SLIT3: variants seen among roughly 807,000 people sequenced by gnomAD.
SLIT3 encodes slit homolog 3 protein.
Under a neutral mutation model 184.0 loss-of-function variants are expected in SLIT3, and 68 were observed. The ratio of observed to expected loss-of-function variants is 0.37; its 90% CI spans 0.30 to 0.45. SLIT3 has a LOEUF of 0.45. Ranked by LOEUF, SLIT3 falls within the 20% of genes least tolerant of loss-of-function variation. The pLI is 1.00. For missense variants in SLIT3, 1,707 were observed against 2,026.0 expected, an observed-to-expected ratio of 0.84 and a Z score of 3.02; for synonymous variants, 831 against 828.6, an observed-to-expected ratio of 1.00 and a Z score of -0.05.
At chr5:169,266,787 A>T (rs548197284) in intron 1 of SLIT3, among the ~76,000 whole-genome samples, 39 of 152,356 alleles carry the variant, frequency 2.6e-4, no homozygotes, top group African/African-American at 9.4e-4. Flanking sequence ...AGCATCCATG[A>T]TCTTCATCCA....
At chr5:169,032,006 G>A (rs1430609328) in intron 4 of SLIT3, among the ~76,000 whole-genome samples, 2 of 152,176 alleles carry the variant, frequency 1.3e-5, no homozygotes, top group Non-Finnish European at 2.9e-5. Flanking sequence ...TGGATTAGGT[G>A]ATGTGGTTCC....
At chr5:168,958,825 T>C (rs1762916660) in intron 4 of SLIT3, among the ~76,000 whole-genome samples, 1 of 152,236 alleles carries the variant, frequency 6.6e-6, no homozygotes, top group East Asian at 1.9e-4. Context: ...TCCATCCTTC[T>C]CCCTCCCAAT....
intron 1 of SLIT3, among the ~76,000 whole-genome samples, chr5:169,278,005 G>A (rs943988452): frequency 1.1e-4 from 16 of 152,204 alleles, no homozygotes; most frequent in African/African-American, 3.4e-4. Flanking sequence ...GACGTGGCTT[G>A]TTCACCACTG....
Position 169,210,757 on chromosome 5 carries a change from T to C in SLIT3, c.342-17207A>G, listed in dbSNP as rs1477079264. Among the ~76,000 whole-genome samples, 4 of 150,992 alleles carry C rather than the reference T, an allele frequency of 2.6e-5. No individual in the cohort carries two copies. The East Asian group carries it at 5.8e-4, about 22-fold the overall frequency. ...AGGCAAAACTTAGTGGCAAATGGGA[T>C]GAAGACAGTTAGAATAGAGACAGGG... On this transcript the variant is annotated intron_variant, in intron 3 of 35. Coordinates refer to ENST00000519560, the MANE Select transcript of SLIT3 (RefSeq NM_003062.4).
At chr5:168,989,703 C>T (rs1755252191) in intron 4 of SLIT3, among the ~76,000 whole-genome samples, 1 of 152,124 alleles carries the variant, frequency 6.6e-6, no homozygotes, top group Non-Finnish European at 1.5e-5. Flanking sequence ...GTCACTGTTC[C>T]CATAGCCACC....
At chr5:169,033,097 C>T (rs1169741542) in intron 4 of SLIT3, among the ~76,000 whole-genome samples, 1 of 151,966 alleles carries the variant, frequency 6.6e-6, no homozygotes, top group Non-Finnish European at 1.5e-5. Context: ...CCCATCTCCT[C>T]CCTAGCTATC....
intron 12 of SLIT3, among the ~76,000 whole-genome samples, chr5:168,777,117 A>G (rs1173076854): frequency 1.3e-5 from 2 of 150,784 alleles, no homozygotes; most frequent in Non-Finnish European, 1.5e-5. Context: ...CCCCCATACC[A>G]CACCACACCA....
intron 5 of SLIT3, among the ~76,000 whole-genome samples, chr5:168,860,720 G>A (rs1759072244): frequency 6.6e-6 from 1 of 152,134 alleles, no homozygotes; most frequent in Non-Finnish European, 1.5e-5. Flanking sequence ...ATCAACCCAA[G>A]GCTGGGTACA....
chr5:168,846,214 GATTTAGAT>G (rs1758459339), intron 5 of SLIT3, among the ~76,000 whole-genome samples: 1 of 152,106 alleles, frequency 6.6e-6, no homozygotes, highest in Non-Finnish European at 1.5e-5. Context: ...CATGATAGAA[GATTTAGAT>G]ATTTAGACTA....
intron 4 of SLIT3, among the ~76,000 whole-genome samples, chr5:169,044,634 T>C (rs905355008): frequency 5.3e-5 from 8 of 151,906 alleles, no homozygotes; most frequent in African/African-American, 1.9e-4. Context: ...AGATTTCTCT[T>C]TGGGGTGATG....
intron 20 of SLIT3, among the ~76,000 whole-genome samples, chr5:168,740,858 C>A (rs933598625): frequency 6.6e-6 from 1 of 152,198 alleles, no homozygotes; most frequent in African/African-American, 2.4e-5. Flanking sequence ...AAAGCATTCA[C>A]GGGCTATCGT....
chr5:169,055,954 A>G (rs1757988242), intron 4 of SLIT3, among the ~76,000 whole-genome samples: 2 of 152,206 alleles, frequency 1.3e-5, no homozygotes, highest in African/African-American at 4.8e-5. Context: ...ACAATGGTAA[A>G]CCAGAGAAGA....
intron 1 of SLIT3, among the ~76,000 whole-genome samples, chr5:169,290,466 C>G (rs934624883): frequency 6.9e-6 from 1 of 144,198 alleles, no homozygotes. Context: ...TGCTAGGGCA[C>G]ACGCTAGGAC....
intron 20 of SLIT3, among the ~76,000 whole-genome samples, chr5:168,739,205 T>C (rs867897030): frequency 1.4e-4 from 21 of 152,068 alleles, no homozygotes; most frequent in African/African-American, 2.4e-5. Context: ...CACATGATAT[T>C]ACAAGATCGT....
chr5:168,852,109 G>C (rs1365008619), intron 5 of SLIT3, among the ~76,000 whole-genome samples: 1 of 152,220 alleles, frequency 6.6e-6, no homozygotes, highest in Non-Finnish European at 1.5e-5. Flanking sequence ...ATAAATGGCT[G>C]TCTCCATAGT....
At chr5:169,074,831 G>A (rs1305051124) in intron 4 of SLIT3, among the ~76,000 whole-genome samples, 2 of 152,288 alleles carry the variant, frequency 1.3e-5, no homozygotes, top group South Asian at 2.1e-4. Context: ...CAAGACCTGA[G>A]GGTGGGACAA....
intron 4 of SLIT3, among the ~76,000 whole-genome samples, chr5:169,106,142 C>G: frequency 6.6e-6 from 1 of 152,132 alleles, no homozygotes; most frequent in East Asian, 1.9e-4. Flanking sequence ...CAGAAAACCA[C>G]CATGGCACAT....
intron 8 of SLIT3, among the ~76,000 whole-genome samples, chr5:168,813,418 A>G (rs529952865): frequency 6.6e-6 from 1 of 152,306 alleles, no homozygotes; most frequent in South Asian, 2.1e-4. Flanking sequence ...TTCAGGCCAC[A>G]AGCAACCAGA....
chr5:168,713,472 A>G (rs984071842), intron 23 of SLIT3, among the ~76,000 whole-genome samples: 1 of 152,244 alleles, frequency 6.6e-6, no homozygotes, highest in Non-Finnish European at 1.5e-5. Context: ...GCATAAAAAA[A>G]TCTGCAAATT....
Sources: gnomAD v4.1 joint callset for allele counts (sites outside exome capture counted in the v4.1 genomes callset) on GRCh38, gnomAD v4.1.1 for gene constraint, MANE v1.5 for transcripts, NCBI Gene and HGNC (gene_info 2026-07-23, HGNC 2026-07-21) for gene names.